Variants in PRICKLE2 observed in about 807,000 individuals in gnomAD.
PRICKLE2 encodes the protein prickle-like protein 2.
PRICKLE2 carries 21 observed loss-of-function variants against 81.4 expected under a neutral mutation model. The ratio of observed to expected loss-of-function variants is 0.26; its 90% CI spans 0.18 to 0.37. PRICKLE2 has a LOEUF of 0.37. Ranked by LOEUF, PRICKLE2 falls within the 10% of genes least tolerant of loss-of-function variation. The probability of loss-of-function intolerance (pLI) is 1.00; values close to 1 mark genes in which losing one functional copy is unlikely to be tolerated. For synonymous variants in PRICKLE2, 456 were observed against 421.5 expected, an observed-to-expected ratio of 1.08 and a Z score of -1.00; for missense variants, 940 against 1,109.0, an observed-to-expected ratio of 0.85 and a Z score of 2.16.
chr3:64,121,109 G>C (rs570288865), intron 7 of PRICKLE2, among the ~76,000 whole-genome samples: 1 of 152,296 alleles, frequency 6.6e-6, no homozygotes, highest in East Asian at 1.9e-4. Flanking sequence ...GGAATAAGCA[G>C]CTGCTTACCT....
intron 2 of PRICKLE2, chr3:64,194,418 G>A (rs2078409337): frequency 1.3e-5 from 2 of 152,190 alleles, no homozygotes; most frequent in South Asian, 2.1e-4. Flanking sequence ...CTTCCACCCA[G>A]TGATCCTCCT....
rs182032367 is a variant in PRICKLE2, at chr3:64,093,418, A to G, written c.*5633T>C. ...GCATATGGTAGTAATTCTATTTTTA[A>G]TTTTTTTTGAGGAACTGCCATACTG... On this transcript the variant is annotated 3_prime_UTR_variant, in exon 8 of 8. Coordinates refer to ENST00000638394, the MANE Select transcript of PRICKLE2 (RefSeq NM_198859.4). 2.6e-5 allele frequency: 4 copies of G among 152,072 alleles called. No individual in the cohort carries two copies. The highest frequency in any genetic ancestry group is 1.9e-4 in the East Asian group (1 of 5,186). 9.4% of individuals were successfully genotyped at this position (152,072 alleles called of 1,614,324 possible).
intron 2 of PRICKLE2, among the ~76,000 whole-genome samples, chr3:64,196,144 C>T (rs774933419): frequency 1.2e-4 from 19 of 152,236 alleles, no homozygotes; most frequent in Non-Finnish European, 1.8e-4. Context: ...AATCAAAACC[C>T]TAGCTTCTGC....
chr3:64,198,740 G>A, intron 2 of PRICKLE2, 44 bp downstream of exon 2: 2 of 1,602,420 alleles, frequency 1.2e-6, no homozygotes, highest in Non-Finnish European at 1.7e-6. Flanking sequence ...GTAAGGCAAA[G>A]TGAAACACCC....
intron 7 of PRICKLE2, chr3:64,102,598 T>C (rs2076685096): frequency 1.3e-5 from 2 of 152,288 alleles, no homozygotes; most frequent in Non-Finnish European, 2.9e-5. Flanking sequence ...TATTTCAGTA[T>C]ATATTACAAT....
chr3:64,100,733 T>A (rs2076646045), intron 7 of PRICKLE2: 1 of 152,220 alleles, frequency 6.6e-6, no homozygotes, highest in East Asian at 1.9e-4. Flanking sequence ...GCTCTTGGCA[T>A]CCCTGAGATG....
At position 64,136,475 on chromosome 3, in the gene PRICKLE2, G is replaced by A. The variant is rs562873427; in HGVS notation, c.1660+10355C>T. Among the ~76,000 whole-genome samples, 9 of 150,188 alleles carry A rather than the reference G, an allele frequency of 6.0e-5. No individual in the cohort carries two copies. The South Asian group carries it at 1.9e-3, about 32-fold the overall frequency. ...TTGACAAGCATCCTAGATGAACGTA[G>A]TGTAAGTGATCCCTGGAATACTCAA... On this transcript the variant is annotated intron_variant, in intron 7 of 7. Coordinates refer to ENST00000638394, the MANE Select transcript of PRICKLE2 (RefSeq NM_198859.4).
At chr3:64,104,705 C>T (rs55842703) in intron 7 of PRICKLE2, 28,636 of 152,184 alleles carry the variant, frequency 0.19, 3,189 homozygotes, top group Non-Finnish European at 0.25. Flanking sequence ...TTGCACAAGC[C>T]CAGCATCTAC....
intron 1 of PRICKLE2, among the ~76,000 whole-genome samples, chr3:64,224,179 A>G (rs1191916584): frequency 1.3e-5 from 2 of 152,210 alleles, no homozygotes; most frequent in Non-Finnish European, 2.9e-5. Context: ...TGGATTATTT[A>G]TGATTCATAA....
At chr3:64,108,202 G>T (rs766667030) in intron 7 of PRICKLE2, among the ~76,000 whole-genome samples, 2 of 152,200 alleles carry the variant, frequency 1.3e-5, no homozygotes, top group African/African-American at 4.8e-5. Flanking sequence ...ATAGACACAG[G>T]TTGTCAACCT....
At chr3:64,115,397 C>A (rs1289857821) in intron 7 of PRICKLE2, among the ~76,000 whole-genome samples, 1 of 152,144 alleles carries the variant, frequency 6.6e-6, no homozygotes, top group Non-Finnish European at 1.5e-5. Context: ...TTAAAAGACA[C>A]AGTGTGGCAA....
Position 64,198,699 on chromosome 3 carries a change from C to T in PRICKLE2, c.144+85G>A, listed in dbSNP as rs2078509578. On this transcript the variant is annotated intron_variant, in intron 2 of 7. Transcript: ENST00000638394. Reference sequence around the variant, plus strand: ...CTTCTCTGAATCAGCAAAGTCTACTCTTCCTACAGAACTGGAATGAGGAAG... The same window carrying T: ...CTTCTCTGAATCAGCAAAGTCTACTTTTCCTACAGAACTGGAATGAGGAAG... 21 of 1,435,774 alleles carry T rather than the reference C, an allele frequency of 1.5e-5. No individual in the cohort carries two copies. In the South Asian group the frequency reaches 2.1e-4, roughly 14 times the overall value. The allele number at this position is 1,435,774 out of a possible 1,614,324, so 88.9% of individuals were successfully genotyped here. A position where few individuals can be genotyped will look rare whatever the true frequency, so the allele number is the denominator to read the frequency against.
chr3:64,142,243 C>T (rs2077373090), intron 7 of PRICKLE2, among the ~76,000 whole-genome samples: 1 of 151,754 alleles, frequency 6.6e-6, no homozygotes, highest in Non-Finnish European at 1.5e-5. Flanking sequence ...CTTTAATTCC[C>T]TGTTTTTCAT....
intron 7 of PRICKLE2, among the ~76,000 whole-genome samples, chr3:64,112,515 G>A (rs191673560): frequency 2.0e-5 from 3 of 152,280 alleles, no homozygotes; most frequent in Admixed American, 2.0e-4. Context: ...ATTTTTAAAT[G>A]GATGGGTGTA....
At chr3:64,118,016 T>C (rs973832665) in intron 7 of PRICKLE2, among the ~76,000 whole-genome samples, 8 of 152,018 alleles carry the variant, frequency 5.3e-5, no homozygotes, top group African/African-American at 1.7e-4. Flanking sequence ...CATAGACCAA[T>C]GGAACAGAAT....
At chr3:64,149,996 G>A (rs991445421) in intron 6 of PRICKLE2, among the ~76,000 whole-genome samples, 22 of 125,754 alleles carry the variant, frequency 1.7e-4, no homozygotes, top group Non-Finnish European at 3.4e-4. Flanking sequence ...TTTTTGAGAC[G>A]GATCAACTCC....
At chr3:64,194,523 TGC>T (rs2078412053) in intron 2 of PRICKLE2, among the ~76,000 whole-genome samples, 1 of 152,194 alleles carries the variant, frequency 6.6e-6, no homozygotes, top group Non-Finnish European at 1.5e-5. Flanking sequence ...CCAAGGATGC[TGC>T]TAAGCATCCT....
At chr3:64,119,217 T>C (rs1314003236) in intron 7 of PRICKLE2, among the ~76,000 whole-genome samples, 1 of 152,024 alleles carries the variant, frequency 6.6e-6, no homozygotes, top group Non-Finnish European at 1.5e-5. Flanking sequence ...CTGGGATCTA[T>C]TGGAGGGTGG....
At chr3:64,193,320 C>G (rs760308569) in intron 2 of PRICKLE2, among the ~76,000 whole-genome samples, 1 of 152,136 alleles carries the variant, frequency 6.6e-6, no homozygotes, top group Non-Finnish European at 1.5e-5. Context: ...TGCTTAGCAT[C>G]TCAAGGACCC....
Sources: allele counts gnomAD v4.1 joint callset (sites outside exome capture counted in the v4.1 genomes callset), GRCh38; gene constraint gnomAD v4.1.1; transcripts MANE v1.5; gene names NCBI Gene and HGNC (gene_info 2026-07-23, HGNC 2026-07-21).